The following ZNF276 variants were observed in gnomAD, a reference collection of about 807,000 sequenced individuals.
ZNF276 encodes centromere protein Z.
In ZNF276, 59 loss-of-function variants were observed where a neutral mutation model predicts 63.9. That is an observed-to-expected ratio of 0.92 (90% CI 0.75 to 1.15). The LOEUF (loss-of-function observed/expected upper bound fraction) is 1.15, where lower values mean the gene tolerates loss of function less well. ZNF276 is among the 50% of genes most tolerant of loss of function. The pLI is 0.00. For synonymous variants in ZNF276, 496 were observed against 348.4 expected (o/e 1.42, Z -4.72); for missense variants, 1,084 against 843.8 (o/e 1.28, Z -3.53).
At chr16:89,724,387 C>T (rs911425621) in intron 4 of ZNF276, among the ~76,000 whole-genome samples, 2 of 152,226 alleles carry the variant, frequency 1.3e-5, no homozygotes, top group African/African-American at 2.4e-5. Context: ...GCGTAGCTAC[C>T]TGTAATCCCA....
Position 89,723,756 on chromosome 16 carries a change from A to G in ZNF276, c.1006+47A>G, listed in dbSNP as rs369524874. 15 of 1,554,434 alleles carry G rather than the reference A, an allele frequency of 9.6e-6. No homozygotes were observed. The African/African-American group carries it at 2.0e-4, about 21-fold the overall frequency. On this transcript the variant is annotated intron_variant, in intron 4 of 10. Transcript: ENST00000443381. Reference sequence around the variant, plus strand: ...TGCTAGACCAGGATGTGTGCTCCTCAGTGGGGCAGGGTTTTCAGCAGAAAG... The same window carrying G: ...TGCTAGACCAGGATGTGTGCTCCTCGGTGGGGCAGGGTTTTCAGCAGAAAG...
At chr16:89,726,901 C>A (rs745685392) in intron 4 of ZNF276, among the ~76,000 whole-genome samples, 14 of 152,192 alleles carry the variant, frequency 9.2e-5, no homozygotes, top group Non-Finnish European at 1.5e-4. Flanking sequence ...GCATCGGCCT[C>A]CCAAAGTGCT....
At chr16:89,727,574 G>A (rs900403839) in intron 5 of ZNF276, among the ~76,000 whole-genome samples, 4 of 152,150 alleles carry the variant, frequency 2.6e-5, no homozygotes, top group Admixed American at 2.0e-4. Context: ...GCCTCCTCTC[G>A]AGGTGGCGGG....
At chr16:89,730,267 A>T (rs2061603150) in intron 6 of ZNF276, among the ~76,000 whole-genome samples, 1 of 151,974 alleles carries the variant, frequency 6.6e-6, no homozygotes, top group Admixed American at 6.6e-5. Flanking sequence ...GGGGGTCCCT[A>T]CCCCCAGGCT....
In ZNF276 at chr16:89,739,880, G is replaced by T; in HGVS notation, c.*1634G>T. 1 of 1,558,374 alleles carries T rather than the reference G, an allele frequency of 6.4e-7. No homozygotes were observed. On this transcript the variant is annotated 3_prime_UTR_variant, in exon 11 of 11. Transcript: ENST00000443381. ...CTTAATCTGTCCCAACTAAAATGGA[G>T]CTTATAAACTTACTTAGCAAGGAAC... is the stretch of plus-strand genomic sequence containing the variant.
upstream of ZNF276, chr16:89,720,745 G>A (rs1012569498): frequency 1.4e-6 from 2 of 1,431,454 alleles, no homozygotes; most frequent in African/African-American, 1.5e-5. Flanking sequence ...GCCAAGCCCC[G>A]CCCCCGCCCC....
chr16:89,720,638 G>T, upstream of ZNF276: 1 of 1,229,234 alleles, frequency 8.1e-7, no homozygotes. Flanking sequence ...ACCGCGGCCC[G>T]GGATCCCGGC....
Position 89,738,369 on chromosome 16 carries a change from C to A in ZNF276, c.*123C>A. 6.9e-7 allele frequency: 1 copy of A among 1,448,418 alleles called. No homozygotes were observed. Among genetic ancestry groups the A allele is most frequent in the Non-Finnish European group, 9.2e-7 (1 of 1,087,390 alleles). 89.7% of individuals were successfully genotyped at this position (1,448,418 alleles called of 1,614,324 possible). On this transcript the variant is annotated 3_prime_UTR_variant, in exon 11 of 11. Coordinates refer to ENST00000443381, the MANE Select transcript of ZNF276 (RefSeq NM_001113525.2). The stretch of plus-strand genomic sequence containing the variant: ...TGCTGCCCGCCCTTGGTGCTGGAGG[C>A]GGGCTTGGTGTCCGGCTCAAGTAGC...
In ZNF276 at chr16:89,721,603, G is replaced by T; in HGVS notation, c.-38G>T. On this transcript the variant is annotated 5_prime_UTR_variant, in exon 1 of 11. Coordinates refer to ENST00000443381, the MANE Select transcript of ZNF276 (RefSeq NM_001113525.2). ...GGGTCCTCTAGGAACCTCGGGCCGG[G>T]CAGCACCCGCGGGATTCTGCTGGCG... is the stretch of plus-strand genomic sequence containing the variant. 13 of 1,471,282 alleles carry T rather than the reference G, an allele frequency of 8.8e-6. No individual in the cohort carries two copies. The highest frequency in any genetic ancestry group is 1.2e-5 in the Non-Finnish European group (13 of 1,116,532). The allele number at this position is 1,471,282 out of a possible 1,614,324, so 91.1% of individuals were successfully genotyped here. A position where few individuals can be genotyped will look rare whatever the true frequency, so the allele number is the denominator to read the frequency against.
Position 89,738,194 on chromosome 16 carries a change from C to G in ZNF276, c.1793C>G (p.Pro598Arg), listed in dbSNP as rs752058479. Residue 598 changes from proline to arginine, a missense_variant, in exon 11 of 11, where the codon CCG (proline) becomes CGG (arginine). Coordinates refer to ENST00000443381, the MANE Select transcript of ZNF276 (RefSeq NM_001113525.2). ...GAGGCGGAACCACCACCTGGGCCACCGAGCCCCTCTGTGACCACAGAGGGC... is the reference window on the plus strand; with the variant it reads ...GAGGCGGAACCACCACCTGGGCCACGGAGCCCCTCTGTGACCACAGAGGGC... ...PLEAEPPPGPPSPSVTTEGQA... is the reference protein window; with the variant it reads ...PLEAEPPPGPRSPSVTTEGQA... The G allele has an allele frequency of 6.2e-7, 1 of 1,610,898 alleles. No individual in the cohort carries two copies. The highest frequency in any genetic ancestry group is 8.5e-7 in the Non-Finnish European group (1 of 1,179,106).
chr16:89,723,571 G>C lies in ZNF276; in HGVS notation c.868G>C (p.Gly290Arg). The C allele has an allele frequency of 6.2e-7, 1 of 1,612,806 alleles. No individual in the cohort carries two copies. The highest frequency in any genetic ancestry group is 8.5e-7 in the Non-Finnish European group (1 of 1,180,000). ...GDAPQTSQGR[G>R]TGTPVGAETK... ...TGCCCCTCAGACCTCCCAGGGTAGA[G>C]GGACAGGGACCCCAGTTGGGGCTGA... Residue 290 changes from glycine (G) to arginine (R), a missense_variant, in exon 4 of 11, where the codon GGG becomes CGG. By Grantham distance (125) the Gly-to-Arg change is moderately radical (BLOSUM62 -2). Transcript: ENST00000443381.
At chr16:89,727,500 C>T in intron 5 of ZNF276, 143 bp downstream of exon 5, 1 of 924,618 alleles carries the variant, frequency 1.1e-6, no homozygotes, top group South Asian at 1.6e-5. Flanking sequence ...GGGTCGGCTG[C>T]CCATGCGCTG....
intron 6 of ZNF276, among the ~76,000 whole-genome samples, chr16:89,730,488 A>AGGAGG (rs973227444): frequency 2.6e-5 from 4 of 152,282 alleles, no homozygotes; most frequent in African/African-American, 9.6e-5. Flanking sequence ...AGGCAGATTC[A>AGGAGG]GGAGGGGAGG....
At position 89,740,453 on chromosome 16, in the gene ZNF276, G is replaced by A. The variant is rs897016245; in HGVS notation, c.*2207G>A. On this transcript the variant is annotated 3_prime_UTR_variant, in exon 11 of 11. Transcript: ENST00000443381. ...CAGTTCAAGACCAGCCTGGCAATAT[G>A]GTGAAACCCCGTCTCTACTAAAAAT... The A allele has an allele frequency of 1.3e-5, 6 of 458,182 alleles. No individual in the cohort carries two copies. Among genetic ancestry groups the A allele is most frequent in the Admixed American group, 1.1e-4 (3 of 27,364 alleles). 28.4% of individuals were successfully genotyped at this position (458,182 alleles called of 1,614,324 possible). A position where few individuals can be genotyped will look rare whatever the true frequency, so the allele number is the denominator to read the frequency against.
chr16:89,720,558 G>A (rs557305724), upstream of ZNF276: 3 of 1,182,968 alleles, frequency 2.5e-6, no homozygotes, highest in East Asian at 7.6e-5. Flanking sequence ...GAAAGCCAAG[G>A]TCCGCAGGAT....
upstream of ZNF276, chr16:89,721,490 GGCCC>G: frequency 1.3e-6 from 1 of 757,430 alleles, no homozygotes. Flanking sequence ...CCTGGCCCCT[GGCCC>G]GCCCCGCCCG....
At chr16:89,724,071 C>G (rs2061394862) in intron 4 of ZNF276, among the ~76,000 whole-genome samples, 2 of 152,234 alleles carry the variant, frequency 1.3e-5, no homozygotes. Flanking sequence ...TGGCCGTTGC[C>G]TCTGCGGCTG....
Position 89,733,983 on chromosome 16 carries a change from C to T in ZNF276, c.1419C>T (p.Asn473=), listed in dbSNP as rs370121430. Reference sequence around the variant, plus strand: ...GGCCCTGCCCCCACCCTGGCTGCAACAAGGTTTTCATGATCGACCGCTACC... The same window carrying T: ...GGCCCTGCCCCCACCCTGGCTGCAATAAGGTTTTCATGATCGACCGCTACC... The part of the protein sequence containing the change: ...RERPCPHPGC[N]KVFMIDRYLQ... Residue 473 remains asparagine, a synonymous_variant, in exon 9 of 11, where the codon AAC becomes AAT. Transcript: ENST00000443381. 5 of 1,614,092 alleles carry T rather than the reference C, an allele frequency of 3.1e-6. No homozygotes were observed. The highest frequency in any genetic ancestry group is 2.2e-5 in the East Asian group (1 of 44,874).
Position 89,734,022 on chromosome 16 carries a change from G to C in ZNF276, c.1458G>C (p.Val486=). Reference sequence around the variant, plus strand: ...TCGACCGCTACCTGCAGCGCCACGTGAAGCTCATCCACACAGGTACGCCTA... The same window carrying C: ...TCGACCGCTACCTGCAGCGCCACGTCAAGCTCATCCACACAGGTACGCCTA... ...FMIDRYLQRH[V]KLIHTEVRNY... The change falls in exon 9 of 11, where the codon GTG becomes GTC. Residue 486 remains valine, a synonymous_variant. Coordinates refer to ENST00000443381, the MANE Select transcript of ZNF276 (RefSeq NM_001113525.2). 6.2e-7 allele frequency: 1 copy of C among 1,614,034 alleles called. No homozygotes were observed. Among genetic ancestry groups the C allele is most frequent in the East Asian group, 2.2e-5 (1 of 44,886 alleles).
Sources: allele counts gnomAD v4.1 joint callset (sites outside exome capture counted in the v4.1 genomes callset), GRCh38; gene constraint gnomAD v4.1.1; transcripts MANE v1.5; gene names NCBI Gene and HGNC (gene_info 2026-07-23, HGNC 2026-07-21).